Variants in PHF20 observed in about 807,000 individuals in gnomAD.
The protein encoded by PHF20 is glioma-expressed antigen 2.
A neutral mutation model predicts 113.5 loss-of-function variants in PHF20; 23 were observed. That is an observed-to-expected ratio of 0.20 (90% CI 0.15 to 0.29). The LOEUF is 0.29. Ranked by LOEUF, PHF20 falls within the 10% of genes least tolerant of loss-of-function variation. PHF20 has a pLI of 1.00. For missense variants in PHF20, 943 were observed against 1,219.6 expected (o/e 0.77, Z 3.38); for synonymous variants, 434 against 457.3 (o/e 0.95, Z 0.65).
intron 2 of PHF20, among the ~76,000 whole-genome samples, chr20:35,826,318 A>G (rs551455527): frequency 6.6e-6 from 1 of 152,314 alleles, no homozygotes; most frequent in East Asian, 1.9e-4. Flanking sequence ...TGCTGGGATT[A>G]CAGGTGTGAG....
At chr20:35,905,961 G>C (rs2055193833) in intron 10 of PHF20, among the ~76,000 whole-genome samples, 1 of 152,222 alleles carries the variant, frequency 6.6e-6, no homozygotes, top group Non-Finnish European at 1.5e-5. Context: ...CAGTATACCA[G>C]AGTCACTTAA....
Position 35,792,378 on chromosome 20 carries a change from G to A in PHF20, c.-32-9113G>A, listed in dbSNP as rs186812828. Among the ~76,000 whole-genome samples the A allele has an allele frequency of 3.9e-3, 587 of 151,976 alleles. 3 individuals are homozygous for A. Among genetic ancestry groups the A allele is most frequent in the Admixed American group, 5.3e-3 (81 of 15,238 alleles). ...AATTTTTTGTATTTTTAGTAGAGAC[G>A]GGGTTTCACCATGTTGGCCAGGCTG... On this transcript the variant is annotated intron_variant, in intron 1 of 17. Transcript: ENST00000374012.
chr20:35,947,544 C>G lies in PHF20; in HGVS notation c.2956C>G (p.Leu986Val). Residue 986 changes from leucine (L) to valine (V), a missense_variant, in exon 18 of 18, where the codon CTT becomes GTT. Coordinates refer to ENST00000374012, the MANE Select transcript of PHF20 (RefSeq NM_016436.5). ...ELEPPEPLAR[L>V]PQLKHCIKQL... Reference sequence around the variant, plus strand: ...GGAGCCCCCTGAGCCGCTGGCCAGGCTTCCGCAGCTCAAGCATTGTATCAA... The same window carrying G: ...GGAGCCCCCTGAGCCGCTGGCCAGGGTTCCGCAGCTCAAGCATTGTATCAA... 6.2e-7 allele frequency: 1 copy of G among 1,614,010 alleles called. No homozygotes were observed. Among genetic ancestry groups the G allele is most frequent in the Non-Finnish European group, 8.5e-7 (1 of 1,179,906 alleles).
At chr20:35,806,905 C>T (rs887254010) in intron 2 of PHF20, among the ~76,000 whole-genome samples, 31 of 150,910 alleles carry the variant, frequency 2.1e-4, no homozygotes, top group Non-Finnish European at 1.5e-5. Context: ...ACGCCATTCT[C>T]CTGCCTCAGC....
At chr20:35,860,237 ATTTTTTTTTTTT>A (rs34253757) in intron 5 of PHF20, among the ~76,000 whole-genome samples, 1 of 129,760 alleles carries the variant, frequency 7.7e-6, no homozygotes, top group South Asian at 2.6e-4. Flanking sequence ...TTTCTAAGAA[ATTTTTTTTTTTT>A]TTTTTTTTTG....
intron 9 of PHF20, among the ~76,000 whole-genome samples, chr20:35,895,662 C>T (rs1199595491): frequency 2.0e-5 from 3 of 146,726 alleles, no homozygotes; most frequent in South Asian, 2.2e-4. Flanking sequence ...TGTTTCACAT[C>T]GTGTCACTTT....
chr20:35,847,667 A>G (rs1014257220), intron 4 of PHF20, among the ~76,000 whole-genome samples: 1 of 152,202 alleles, frequency 6.6e-6, no homozygotes, highest in African/African-American at 2.4e-5. Context: ...TTGTTTTCTA[A>G]AACAGTCACA....
At chr20:35,816,051 G>A (rs1411256739) in intron 2 of PHF20, among the ~76,000 whole-genome samples, 5 of 152,120 alleles carry the variant, frequency 3.3e-5, no homozygotes, top group South Asian at 2.1e-4. Context: ...CCATCTCCGG[G>A]GTTCAAGTGA....
intron 2 of PHF20, among the ~76,000 whole-genome samples, chr20:35,818,373 A>C (rs1296466552): frequency 1.3e-5 from 2 of 152,190 alleles, no homozygotes; most frequent in Admixed American, 6.5e-5. Context: ...TGATCCTCCT[A>C]CTTCAGCCTC....
Position 35,917,486 on chromosome 20 carries a change from G to A in PHF20, c.1828G>A (p.Glu610Lys). The A allele has an allele frequency of 6.2e-7, 1 of 1,612,842 alleles. No homozygotes were observed. The highest frequency in any genetic ancestry group is 8.5e-7 in the Non-Finnish European group (1 of 1,179,000). ...HHKGKVKALEEDNLSESSSES... is the reference protein window; with the variant it reads ...HHKGKVKALEKDNLSESSSES... ...TGTTGTTTTCCCTTTCCTCGTAGAG[G>A]AGGATAATTTGAGTGAGTCCTCTTC... Residue 610 changes from glutamate to lysine, a missense_variant and splice_region_variant, in exon 13 of 18, where the codon GAG (glutamate) becomes AAG (lysine). Around this residue, in one of 3 missense-constraint regions of PHF20, gnomAD observed 592 missense variants for 787.2 expected, o/e 0.75. Coordinates refer to ENST00000374012, the MANE Select transcript of PHF20 (RefSeq NM_016436.5).
intron 6 of PHF20, 63 bp downstream of exon 6, chr20:35,863,463 G>A (rs1261979287): frequency 1.4e-6 from 2 of 1,459,614 alleles, no homozygotes; most frequent in Non-Finnish European, 9.2e-7. Flanking sequence ...GGCCCTTTGT[G>A]GTTCTTTGTA....
At chr20:35,803,991 A>G (rs977696385) in intron 2 of PHF20, among the ~76,000 whole-genome samples, 4 of 151,882 alleles carry the variant, frequency 2.6e-5, no homozygotes, top group Non-Finnish European at 5.9e-5. Context: ...TGTATCTGGG[A>G]CTACATCTTA....
intron 13 of PHF20, among the ~76,000 whole-genome samples, chr20:35,926,845 T>C (rs2055649269): frequency 6.6e-6 from 1 of 152,212 alleles, no homozygotes; most frequent in Non-Finnish European, 1.5e-5. Flanking sequence ...ATCAAGGTCA[T>C]GTCAGGAAGC....
chr20:35,881,110 T>C (rs2054624822), intron 9 of PHF20, among the ~76,000 whole-genome samples: 1 of 135,426 alleles, frequency 7.4e-6, no homozygotes, highest in Admixed American at 8.4e-5. Flanking sequence ...CAGGCTGGAG[T>C]GTAGTGGTGC....
At chr20:35,939,852 G>C (rs958161170) in intron 16 of PHF20, among the ~76,000 whole-genome samples, 1 of 152,102 alleles carries the variant, frequency 6.6e-6, no homozygotes, top group African/African-American at 2.4e-5. Context: ...GGTGCCAAGG[G>C]GATCCTAGAT....
intron 1 of PHF20, among the ~76,000 whole-genome samples, chr20:35,772,371 C>T (rs1378524618): frequency 6.6e-6 from 1 of 151,818 alleles, no homozygotes; most frequent in Non-Finnish European, 1.5e-5. Context: ...GGGGTGCGGG[C>T]CCGGGGCGCG....
At chr20:35,891,645 G>A (rs1187242199) in intron 9 of PHF20, among the ~76,000 whole-genome samples, 3 of 152,112 alleles carry the variant, frequency 2.0e-5, no homozygotes, top group Non-Finnish European at 4.4e-5. Flanking sequence ...GCCTAGACTG[G>A]CTGAACTGGC....
chr20:35,883,890 C>T (rs2054678783), intron 9 of PHF20, among the ~76,000 whole-genome samples: 1 of 152,176 alleles, frequency 6.6e-6, no homozygotes, highest in African/African-American at 2.4e-5. Context: ...TCGGGGCACT[C>T]ATTAAAGCAG....
At chr20:35,791,089 C>G (rs1361829459) in intron 1 of PHF20, among the ~76,000 whole-genome samples, 1 of 151,904 alleles carries the variant, frequency 6.6e-6, no homozygotes, top group Non-Finnish European at 1.5e-5. Flanking sequence ...GAACTCCTGA[C>G]CTTGTGATCC....
Sources: gnomAD v4.1 joint callset for allele counts (sites outside exome capture counted in the v4.1 genomes callset) on GRCh38, gnomAD v4.1.1 for gene constraint, gnomAD v4.1.1 regional missense constraint, MANE v1.5 for transcripts, NCBI Gene and HGNC (gene_info 2026-07-23, HGNC 2026-07-21) for gene names.